FNIP1: variants seen among roughly 807,000 people sequenced by gnomAD.
FNIP1 encodes the protein folliculin interacting protein 1.
FNIP1 carries 40 observed loss-of-function variants against 124.5 expected under a neutral mutation model. The observed-to-expected ratio is 0.32, with a 90% CI of 0.25 to 0.42. The LOEUF (loss-of-function observed/expected upper bound fraction) is 0.42. FNIP1 is among the 10% of genes least tolerant of loss of function. The pLI, the probability that FNIP1 is intolerant of heterozygous loss-of-function variation, is 1.00. For missense variants in FNIP1, 1,176 were observed against 1,403.7 expected (o/e 0.84, Z 2.59); for synonymous variants, 472 against 470.6 (o/e 1.00, Z -0.04).
At chr5:131,793,938 T>C (rs375922180) in intron 1 of FNIP1, among the ~76,000 whole-genome samples, 9 of 152,262 alleles carry the variant, frequency 5.9e-5, no homozygotes, top group East Asian at 1.9e-4. Context: ...ACCTGGGTTA[T>C]ATAAAAAGAT....
chr5:131,666,242 T>G (rs1480822909), intron 15 of FNIP1, among the ~76,000 whole-genome samples: 1 of 152,192 alleles, frequency 6.6e-6, no homozygotes, highest in East Asian at 1.9e-4. Context: ...GATAACAAAG[T>G]TCAACAACTT....
At chr5:131,679,445 C>T (rs1174964492) in intron 11 of FNIP1, among the ~76,000 whole-genome samples, 2 of 152,272 alleles carry the variant, frequency 1.3e-5, no homozygotes, top group African/African-American at 4.8e-5. Context: ...ATTTGTTTCC[C>T]ATACCTGTAA....
intron 1 of FNIP1, among the ~76,000 whole-genome samples, chr5:131,748,384 G>A (rs190597824): frequency 3.9e-5 from 6 of 152,030 alleles, no homozygotes; most frequent in African/African-American, 1.2e-4. Flanking sequence ...TGTAAAATAC[G>A]CAATACTTGA....
intron 1 of FNIP1, among the ~76,000 whole-genome samples, chr5:131,776,463 CAAAAATTGGA>C (rs1771809965): frequency 6.6e-6 from 1 of 152,116 alleles, no homozygotes; most frequent in Non-Finnish European, 1.5e-5. Context: ...TCTTAATAGT[CAAAAATTGGA>C]AATAACCCTT....
At chr5:131,750,024 A>C (rs1223155566) in intron 1 of FNIP1, among the ~76,000 whole-genome samples, 1 of 152,200 alleles carries the variant, frequency 6.6e-6, no homozygotes, top group Non-Finnish European at 1.5e-5. Context: ...AATGCTGTAC[A>C]TCTACATAAC....
At chr5:131,778,846 G>A (rs1413255323) in intron 1 of FNIP1, among the ~76,000 whole-genome samples, 1 of 139,548 alleles carries the variant, frequency 7.2e-6, no homozygotes, top group East Asian at 2.0e-4. Context: ...GTCGTTTGTA[G>A]GGACATGGAT....
chr5:131,725,928 G>A (rs1473049835), intron 3 of FNIP1, among the ~76,000 whole-genome samples: 1 of 152,138 alleles, frequency 6.6e-6, no homozygotes, highest in Non-Finnish European at 1.5e-5. Context: ...TTTTATCGAA[G>A]ACCTTTTCTG....
chr5:131,770,460 T>C (rs1771591936), intron 1 of FNIP1, among the ~76,000 whole-genome samples: 1 of 152,196 alleles, frequency 6.6e-6, no homozygotes, highest in African/African-American at 2.4e-5. Context: ...AAGGGGTGCA[T>C]CTGTGTATGT....
chr5:131,650,221 C>G (rs937977437), intron 16 of FNIP1, among the ~76,000 whole-genome samples: 1 of 151,996 alleles, frequency 6.6e-6, no homozygotes, highest in African/African-American at 2.4e-5. Flanking sequence ...TAATGATATC[C>G]TAATAATATT....
intron 5 of FNIP1, among the ~76,000 whole-genome samples, chr5:131,718,267 T>C (rs1019202481): frequency 1.3e-5 from 2 of 152,110 alleles, no homozygotes; most frequent in African/African-American, 2.4e-5. Context: ...ATAAAACTCT[T>C]CCAAACAGGT....
At chr5:131,724,624 A>AG (rs1438195448) in intron 3 of FNIP1, among the ~76,000 whole-genome samples, 10 of 152,022 alleles carry the variant, frequency 6.6e-5, no homozygotes, top group African/African-American at 2.2e-4. Flanking sequence ...CAGATGGGCT[A>AG]ATTGCAAAAG....
chr5:131,655,277 C>T lies in FNIP1; in HGVS notation c.3109-3278G>A, dbSNP rs117849776. 1.7e-3 allele frequency among the ~76,000 whole-genome samples: 259 copies of T among 152,090 alleles called. 1 individual carries two copies. The highest frequency in any genetic ancestry group is 0.017 in the East Asian group (88 of 5,184). ...ATCCCAGCTACTGGGGAGGCAGAGG[C>T]GAGAGGATCAATTGAGCCCAGTAGT... On this transcript the variant is annotated intron_variant, in intron 15 of 17. Transcript: ENST00000510461.
intron 1 of FNIP1, among the ~76,000 whole-genome samples, chr5:131,769,260 T>C (rs1771543825): frequency 2.0e-5 from 3 of 152,226 alleles, no homozygotes. Context: ...TTAAAACATT[T>C]TCAAGAAGTC....
At chr5:131,718,652 G>A (rs973286940) in intron 5 of FNIP1, among the ~76,000 whole-genome samples, 1 of 152,204 alleles carries the variant, frequency 6.6e-6, no homozygotes, top group African/African-American at 2.4e-5. Context: ...TAGGGGATCT[G>A]AAAATTGAAG....
Position 131,660,939 on chromosome 5 carries a change from G to A in FNIP1, c.3109-8940C>T, listed in dbSNP as rs147839661. Among the ~76,000 whole-genome samples the A allele has an allele frequency of 4.8e-3, 727 of 152,290 alleles. 5 individuals carry two copies. The highest frequency in any genetic ancestry group is 0.017 in the African/African-American group (690 of 41,552). On this transcript the variant is annotated intron_variant, in intron 15 of 17. Transcript: ENST00000510461. ...TGGATTCAATTGCAGTAGAGAAATT[G>A]TTCCTGTAAAGACATCTCTAAACTG...
At chr5:131,700,196 A>G (rs1235349909) in intron 10 of FNIP1, among the ~76,000 whole-genome samples, 3 of 151,834 alleles carry the variant, frequency 2.0e-5, no homozygotes, top group Admixed American at 2.0e-4. Context: ...GTTGACCAAG[A>G]TGGTCTCGAT....
At position 131,642,524 on chromosome 5, in the gene FNIP1, A is replaced by G. The variant is rs1463489646; in HGVS notation, c.*2161T>C. The G allele has an allele frequency of 6.6e-6, 1 of 152,202 alleles. No individual in the cohort carries two copies. Among genetic ancestry groups the G allele is most frequent in the African/African-American group, 2.4e-5 (1 of 41,410 alleles). The allele number at this position is 152,202 out of a possible 1,614,324, so 9.4% of individuals were successfully genotyped here. The stretch of plus-strand genomic sequence containing the variant: ...TAAATAAAGAACAGTTTGATGGTTA[A>G]GGAGACACCCAGACATTATCCAAGT... On this transcript the variant is annotated 3_prime_UTR_variant, in exon 18 of 18. Coordinates refer to ENST00000510461, the MANE Select transcript of FNIP1 (RefSeq NM_133372.3).
chr5:131,791,363 T>C (rs1279716678), intron 1 of FNIP1, among the ~76,000 whole-genome samples: 1 of 152,196 alleles, frequency 6.6e-6, no homozygotes, highest in African/African-American at 2.4e-5. Flanking sequence ...ATAAGGCTGA[T>C]ACCACCTGAA....
chr5:131,644,367 T>C lies in FNIP1; in HGVS notation c.*318A>G, dbSNP rs372817340. 4.7e-6 allele frequency: 1 copy of C among 213,694 alleles called. No individual in the cohort carries two copies. The highest frequency in any genetic ancestry group is 7.3e-5 in the South Asian group (1 of 13,620). The allele number at this position is 213,694 out of a possible 1,614,324, so 13.2% of individuals were successfully genotyped here. A position where few individuals can be genotyped will look rare whatever the true frequency, so the allele number is the denominator to read the frequency against. On this transcript the variant is annotated 3_prime_UTR_variant, in exon 18 of 18. Coordinates refer to ENST00000510461, the MANE Select transcript of FNIP1 (RefSeq NM_133372.3). ...TGCTATTTATGAGCTGTGACAACAC[T>C]GCAGTGATCACATGAAACTCTTGAT...
Sources: gnomAD v4.1 joint callset for allele counts (sites outside exome capture counted in the v4.1 genomes callset) on GRCh38, gnomAD v4.1.1 for gene constraint, MANE v1.5 for transcripts, NCBI Gene and HGNC (gene_info 2026-07-23, HGNC 2026-07-21) for gene names.